The following SLC12A1 variants were observed in gnomAD, a reference collection of about 807,000 sequenced individuals.
SLC12A1 encodes Na-K-2Cl cotransporter.
A neutral mutation model predicts 130.4 loss-of-function variants in SLC12A1; 89 were observed. The observed-to-expected ratio is 0.68, with a 90% confidence interval of 0.58 to 0.81. The LOEUF is 0.81. Ranked by LOEUF, SLC12A1 falls within the 40% of genes least tolerant of loss-of-function variation. The probability of loss-of-function intolerance (pLI) is 0.00; values close to 1 mark genes in which losing one functional copy is unlikely to be tolerated. For missense variants in SLC12A1, 1,310 were observed against 1,336.4 expected, an observed-to-expected ratio of 0.98 and a Z score of 0.31; for synonymous variants, 499 against 460.0, an observed-to-expected ratio of 1.08 and a Z score of -1.09.
At chr15:48,299,417 T>TGA in intron 25 of SLC12A1, 142 bp downstream of exon 25, 1 of 737,414 alleles carries the variant, frequency 1.4e-6, no homozygotes, top group Non-Finnish European at 2.0e-6. Flanking sequence ...TTTCAAGTGC[T>TGA]TTTCAATCAT....
At chr15:48,301,490 TTG>T in intron 26 of SLC12A1, 108 bp downstream of exon 26, 1 of 636,652 alleles carries the variant, frequency 1.6e-6, no homozygotes, top group Non-Finnish European at 2.4e-6. Flanking sequence ...TGTTTTGTTT[TTG>T]TGTTTTTTTT....
intron 24 of SLC12A1, among the ~76,000 whole-genome samples, chr15:48,292,387 A>G (rs909744210): frequency 6.6e-6 from 1 of 152,210 alleles, no homozygotes; most frequent in Non-Finnish European, 1.5e-5. Flanking sequence ...AACTATTTGA[A>G]GCCTGGAAAA....
intron 26 of SLC12A1, among the ~76,000 whole-genome samples, chr15:48,302,065 G>A (rs982119559): frequency 6.6e-6 from 1 of 152,096 alleles, no homozygotes; most frequent in Non-Finnish European, 1.5e-5. Flanking sequence ...GGGTGGTAGG[G>A]TTCCAATAGA....
At chr15:48,241,884 C>T (rs902824014) in intron 10 of SLC12A1, among the ~76,000 whole-genome samples, 1 of 152,092 alleles carries the variant, frequency 6.6e-6, no homozygotes, top group African/African-American at 2.4e-5. Context: ...ATGATAATCC[C>T]ACTGCTAAGG....
At chr15:48,252,799 C>G (rs1345142826) in intron 15 of SLC12A1, among the ~76,000 whole-genome samples, 1 of 152,014 alleles carries the variant, frequency 6.6e-6, no homozygotes, top group East Asian at 1.9e-4. Flanking sequence ...ATTAAGGACA[C>G]ATGCAAGTGC....
At chr15:48,235,250 T>C in intron 9 of SLC12A1, 1 of 483,544 alleles carries the variant, frequency 2.1e-6, no homozygotes, top group Non-Finnish European at 3.7e-6. Context: ...TAGTGTGTCA[T>C]ATTTCCCCAA....
At chr15:48,218,448 T>C (rs2041154619) in intron 2 of SLC12A1, among the ~76,000 whole-genome samples, 1 of 152,000 alleles carries the variant, frequency 6.6e-6, no homozygotes, top group South Asian at 2.1e-4. Context: ...CAAAGTCACT[T>C]GGAGTATAGA....
intron 9 of SLC12A1, among the ~76,000 whole-genome samples, chr15:48,239,467 A>G (rs898610473): frequency 6.6e-5 from 10 of 151,858 alleles, no homozygotes; most frequent in East Asian, 1.9e-4. Flanking sequence ...GTGAATCACA[A>G]TTGAGCCACT....
chr15:48,260,792 G>A (rs1052354373), intron 17 of SLC12A1, among the ~76,000 whole-genome samples: 22 of 152,212 alleles, frequency 1.4e-4, no homozygotes, highest in South Asian at 1.0e-3. Flanking sequence ...AGTCAACTCT[G>A]CCATGATGCT....
chr15:48,236,856 G>A (rs1459406286), intron 9 of SLC12A1: 2 of 480,382 alleles, frequency 4.2e-6, no homozygotes, highest in East Asian at 3.2e-5. Context: ...TTAAATTTCT[G>A]CAAATTATAA....
intron 21 of SLC12A1, among the ~76,000 whole-genome samples, chr15:48,286,620 A>G (rs2042063383): frequency 6.6e-6 from 1 of 152,216 alleles, no homozygotes; most frequent in African/African-American, 2.4e-5. Context: ...GGGACTTGTT[A>G]TTTATTCTGG....
intron 17 of SLC12A1, among the ~76,000 whole-genome samples, chr15:48,260,991 T>C (rs1384596823): frequency 6.6e-6 from 1 of 152,200 alleles, no homozygotes; most frequent in Non-Finnish European, 1.5e-5. Context: ...TACTGAGTAC[T>C]TGTGAGATTG....
At chr15:48,240,262 T>TAGGC (rs1259031032) in intron 9 of SLC12A1, among the ~76,000 whole-genome samples, 2 of 151,862 alleles carry the variant, frequency 1.3e-5, no homozygotes, top group Admixed American at 6.6e-5. Flanking sequence ...GGGGATTCAG[T>TAGGC]AGGCCCCATC....
intron 24 of SLC12A1, among the ~76,000 whole-genome samples, chr15:48,295,458 C>G (rs2042168477): frequency 6.6e-6 from 1 of 152,044 alleles, no homozygotes; most frequent in South Asian, 2.1e-4. Context: ...GTACCTCTTC[C>G]ATTAACCAAG....
At position 48,246,950 on chromosome 15, in the gene SLC12A1, G is replaced by A. The variant is rs371242796; in HGVS notation, c.1494G>A (p.Ala498=). 27 of 1,613,944 alleles carry A rather than the reference G, an allele frequency of 1.7e-5. No homozygotes were observed. Among genetic ancestry groups the A allele is most frequent in the East Asian group, 8.9e-5 (4 of 44,886 alleles). ...MVSGFGPLIT[A]GIFSATLSSA... ...CAGGGTTCGGCCCCCTCATCACTGC[G>A]GGAATCTTTTCTGCAACACTCTCCT... The change falls in exon 12 of 27, where the codon GCG becomes GCA. Residue 498 remains alanine, a synonymous_variant. Transcript: ENST00000380993.
At chr15:48,276,913 T>C (rs1311015526) in intron 20 of SLC12A1, among the ~76,000 whole-genome samples, 2 of 152,158 alleles carry the variant, frequency 1.3e-5, no homozygotes, top group Non-Finnish European at 2.9e-5. Flanking sequence ...CATTGCCAAA[T>C]GCAGCAGAAA....
intron 24 of SLC12A1, among the ~76,000 whole-genome samples, chr15:48,296,808 G>A (rs1351607900): frequency 6.6e-6 from 1 of 151,638 alleles, no homozygotes; most frequent in African/African-American, 2.4e-5. Context: ...CTTGAGCTAC[G>A]TCAGGATCCT....
chr15:48,251,835 T>A (rs560497278), intron 15 of SLC12A1, 65 bp downstream of exon 15: 195 of 1,438,788 alleles, frequency 1.4e-4, no homozygotes, highest in Admixed American at 2.8e-4. Context: ...TTATTAAGCA[T>A]TTATTGAGCA....
intron 11 of SLC12A1, among the ~76,000 whole-genome samples, chr15:48,246,303 TG>T (rs1263525157): frequency 6.6e-6 from 1 of 152,294 alleles, no homozygotes; most frequent in Admixed American, 6.5e-5. Context: ...TACTTTCTGC[TG>T]GATAGAATTC....
Sources: allele counts gnomAD v4.1 joint callset (sites outside exome capture counted in the v4.1 genomes callset), GRCh38; gene constraint gnomAD v4.1.1; transcripts MANE v1.5; gene names NCBI Gene and HGNC (gene_info 2026-07-23, HGNC 2026-07-21).